Variants in NBPF20 observed in about 807,000 individuals in gnomAD.
NBPF20 encodes the protein NBPF family member NBPF20.
Under a neutral mutation model 68.1 loss-of-function variants are expected in NBPF20, and 90 were observed. That is an observed-to-expected ratio of 1.32 (90% confidence interval 1.11 to 1.58). The LOEUF is 1.58. NBPF20 is among the 40% of genes most tolerant of loss of function. The pLI is 0.00. For synonymous variants in NBPF20, 290 were observed against 228.1 expected (o/e 1.27, Z -2.45); for missense variants, 816 against 601.2 (o/e 1.36, Z -3.74).
At chr1:145,393,965 C>T (rs1351220829) in intron 8 of NBPF20, 30 bp from the exon 14 acceptor site, 9 of 1,156,848 alleles carry the variant, frequency 7.8e-6, no homozygotes, top group East Asian at 2.3e-5. Context: ...GGCCCTCTTA[C>T]ATTAAGCAGT....
chr1:145,404,257 A>T (rs1662662144), intron 2 of NBPF20, among the ~76,000 whole-genome samples: 2 of 120,266 alleles, frequency 1.7e-5, no homozygotes, highest in East Asian at 3.0e-4. Flanking sequence ...TGATTTATTT[A>T]TCTTTTTGTT....
chr1:145,298,380 A>T (rs1661343274), intron 129 of NBPF20, among the ~76,000 whole-genome samples: 1 of 144,036 alleles, frequency 6.9e-6, no homozygotes, highest in Non-Finnish European at 1.5e-5. Flanking sequence ...AGACACACAC[A>T]CACACACAGA....
rs1571371694 is a variant in NBPF20 at position 145,401,011 on chromosome 1, T to A, written c.566+48A>T. The A allele has an allele frequency of 2.6e-6, 4 of 1,529,600 alleles. No individual in the cohort carries two copies. In the East Asian group the frequency reaches 9.0e-5, roughly 34 times the overall value. The allele number at this position is 1,529,600 out of a possible 1,614,324, so 94.8% of individuals were successfully genotyped here. A position where few individuals can be genotyped will look rare whatever the true frequency, so the allele number is the denominator to read the frequency against. ...CAGAGAGGGTGTGCCTCCTAGATAT[T>A]CCTCATATGTTACCATCCATTAATT... On this transcript the variant is annotated intron_variant, in intron 5 of 137. Coordinates refer to ENST00000369373, the Ensembl canonical transcript of NBPF20.
the NBPF20 span, among the ~76,000 whole-genome samples, chr1:145,413,554 A>G: frequency 9.2e-5 from 14 of 152,092 alleles, no homozygotes; most frequent in African/African-American, 2.4e-4. Flanking sequence ...CATACGCAAA[A>G]GAGTGTGAGA....
At chr1:145,309,491 C>A (rs1392459235) in intron 115 of NBPF20, among the ~76,000 whole-genome samples, 4 of 77,552 alleles carry the variant, frequency 5.2e-5, no homozygotes, top group African/African-American at 2.0e-4. Flanking sequence ...GACACACACA[C>A]ACACACAGAG....
chr1:145,408,640 A>C (rs1367053360), upstream of NBPF20, among the ~76,000 whole-genome samples: 2 of 151,752 alleles, frequency 1.3e-5, no homozygotes, highest in Non-Finnish European at 1.5e-5. Flanking sequence ...ACTAGCTTTC[A>C]AATTTCTCTA....
At chr1:145,395,635 A>G (rs1553663621) in intron 7 of NBPF20, among the ~76,000 whole-genome samples, 8 of 150,266 alleles carry the variant, frequency 5.3e-5, no homozygotes, top group East Asian at 1.9e-4. Context: ...CAAATAGGAA[A>G]AAAGCATGTA....
At chr1:145,422,746 T>G in the NBPF20 span, among the ~76,000 whole-genome samples, 3 of 152,160 alleles carry the variant, frequency 2.0e-5, no homozygotes, top group African/African-American at 7.2e-5. Context: ...CCCCACACTC[T>G]GGGAGGCTTA....
At chr1:145,409,842 A>C (rs1553668552), upstream of NBPF20, among the ~76,000 whole-genome samples, 1 of 151,742 alleles carries the variant, frequency 6.6e-6, no homozygotes. Context: ...AAGGTACATT[A>C]GCTCAGGAAA....
chr1:145,393,732 A>T lies in NBPF20; in HGVS notation c.1043+152T>A, dbSNP rs1425492088. 4.5e-3 allele frequency: 6,737 copies of T among 1,508,020 alleles called. 289 individuals are homozygous for T. The African/African-American group carries it at 0.082, about 18-fold the overall frequency. 93.4% of individuals were successfully genotyped at this position (1,508,020 alleles called of 1,614,324 possible). On this transcript the variant is annotated intron_variant, in intron 9 of 137. Transcript: ENST00000369373. ...GGAAGAAATGGAAACCTAAACATGT[A>T]CTCTAATGAGAACCAGAAAGCAATG...
chr1:145,413,454 A>C, the NBPF20 span, among the ~76,000 whole-genome samples: 10 of 152,108 alleles, frequency 6.6e-5, no homozygotes, highest in Non-Finnish European at 1.2e-4. Flanking sequence ...ACTGTGATAC[A>C]TTCATTCCAT....
chr1:145,341,141 GAC>G (rs1194276279), intron 75 of NBPF20, among the ~76,000 whole-genome samples: 2 of 80,588 alleles, frequency 2.5e-5, no homozygotes, highest in Non-Finnish European at 6.0e-5. Context: ...GAGAGAGAGA[GAC>G]AGAGACAGAG....
the NBPF20 span, among the ~76,000 whole-genome samples, chr1:145,414,905 G>T: frequency 1.3e-5 from 2 of 151,230 alleles, no homozygotes; most frequent in South Asian, 2.1e-4. Context: ...ACACCTGTGG[G>T]CGTTTCTCAT....
chr1:145,410,700 ATGTGTGTGTGTGTG>A, the NBPF20 span, among the ~76,000 whole-genome samples: 1 of 118,326 alleles, frequency 8.5e-6, no homozygotes, highest in African/African-American at 3.5e-5. Context: ...ATATATATAT[ATGTGTGTGTGTGTG>A]TGTGTGTGTG....
At chr1:145,307,124 T>C (rs1344459479) in intron 118 of NBPF20, among the ~76,000 whole-genome samples, 60 of 16,642 alleles carry the variant, frequency 3.6e-3, no homozygotes, top group East Asian at 5.6e-3. Flanking sequence ...AGCTCGTTCA[T>C]GGATGCAAGA....
chr1:145,419,224 T>G, the NBPF20 span, among the ~76,000 whole-genome samples: 5 of 139,934 alleles, frequency 3.6e-5, no homozygotes, highest in African/African-American at 8.1e-5. Flanking sequence ...GGGAGAGAAG[T>G]AGGGAAGGAG....
intron 7 of NBPF20, among the ~76,000 whole-genome samples, chr1:145,397,919 G>A (rs1421119899): frequency 3.3e-5 from 5 of 151,978 alleles, no homozygotes; most frequent in African/African-American, 7.2e-5. Flanking sequence ...AACAAAAAAA[G>A]GCAGGGGTTG....
At chr1:145,334,918 C>G (rs1661563315) in intron 83 of NBPF20, among the ~76,000 whole-genome samples, 1 of 129,292 alleles carries the variant, frequency 7.7e-6, no homozygotes, top group Admixed American at 7.8e-5. Context: ...TCAAAGGACA[C>G]TCTGAGTTAG....
the NBPF20 span, among the ~76,000 whole-genome samples, chr1:145,422,472 TA>T: frequency 1.3e-5 from 2 of 149,194 alleles, no homozygotes; most frequent in Non-Finnish European, 3.0e-5. Context: ...ACTTATTTTT[TA>T]AATTTTACTC....
Sources: gnomAD v4.1 joint callset for allele counts (sites outside exome capture counted in the v4.1 genomes callset) on GRCh38, gnomAD v4.1.1 for gene constraint, MANE v1.5 for transcripts, NCBI Gene and HGNC (gene_info 2026-07-23, HGNC 2026-07-21) for gene names.